PTPN14: variants seen among roughly 807,000 people sequenced by gnomAD.
The protein encoded by PTPN14 is tyrosine-protein phosphatase non-receptor type 14.
A neutral mutation model predicts 126.8 loss-of-function variants in PTPN14; 53 were observed. The ratio of observed to expected loss-of-function variants is 0.42; its 90% CI spans 0.34 to 0.53. PTPN14 has a LOEUF of 0.53. PTPN14 is among the 20% of genes least tolerant of loss of function. The probability of loss-of-function intolerance (pLI) is 0.08; values close to 1 mark genes in which losing one functional copy is unlikely to be tolerated. For missense variants in PTPN14, 1,257 were observed against 1,552.9 expected, an observed-to-expected ratio of 0.81 and a Z score of 3.20; for synonymous variants, 630 against 599.3, an observed-to-expected ratio of 1.05 and a Z score of -0.75.
In PTPN14 at chr1:214,451,883, A is replaced by C; in HGVS notation, c.266T>G (p.Phe89Cys). The C allele has an allele frequency of 6.2e-7, 1 of 1,614,232 alleles. No homozygotes were observed. Among genetic ancestry groups the C allele is most frequent in the Non-Finnish European group, 8.5e-7 (1 of 1,180,040 alleles). ...EKPLKKHLDK[F>C]ANEPLLFFGV... is the part of the protein sequence containing the mutation. ...AAAGAAAAGCAAAGGCTCATTAGCG[A>C]ATTTGTCCAGATGTTTCTTCAGAGG... The change falls in exon 3 of 19, where the codon TTC becomes TGC. Residue 89 changes from phenylalanine to cysteine, a missense_variant. Transcript: ENST00000366956.
intron 1 of PTPN14, among the ~76,000 whole-genome samples, chr1:214,475,297 T>C (rs1176917286): frequency 1.3e-5 from 2 of 152,184 alleles, no homozygotes. Context: ...TTTCACTAGA[T>C]AAAACCAAAA....
chr1:214,460,263 T>C (rs1660479592), intron 2 of PTPN14, among the ~76,000 whole-genome samples: 1 of 152,192 alleles, frequency 6.6e-6, no homozygotes, highest in Non-Finnish European at 1.5e-5. Flanking sequence ...TTATCCTTTG[T>C]AACTTATTTT....
At chr1:214,485,852 A>T (rs1258323265) in intron 1 of PTPN14, among the ~76,000 whole-genome samples, 1 of 151,884 alleles carries the variant, frequency 6.6e-6, no homozygotes, top group Non-Finnish European at 1.5e-5. Flanking sequence ...CAGCCTCCCG[A>T]GTAGCTGGGA....
intron 3 of PTPN14, among the ~76,000 whole-genome samples, chr1:214,442,289 G>A (rs1288357079): frequency 6.6e-6 from 1 of 152,180 alleles, no homozygotes; most frequent in Non-Finnish European, 1.5e-5. Flanking sequence ...CCAAAAATCA[G>A]AAATCCTGAA....
At chr1:214,525,890 C>T (rs565557972) in intron 1 of PTPN14, among the ~76,000 whole-genome samples, 4 of 151,904 alleles carry the variant, frequency 2.6e-5, no homozygotes, top group East Asian at 3.9e-4. Flanking sequence ...GGACTTGGCC[C>T]GTTACACATC....
At chr1:214,532,890 T>C (rs1046932340) in intron 1 of PTPN14, 4 of 1,020,754 alleles carry the variant, frequency 3.9e-6, no homozygotes, top group Admixed American at 3.4e-5. Context: ...TGGAGGTTGA[T>C]GCCCCCAAAT....
chr1:214,548,444 T>C (rs1187452829), intron 1 of PTPN14, among the ~76,000 whole-genome samples: 1 of 152,220 alleles, frequency 6.6e-6, no homozygotes, highest in Non-Finnish European at 1.5e-5. Flanking sequence ...AAAGCTTTCG[T>C]GTTTGTTTTC....
intron 3 of PTPN14, among the ~76,000 whole-genome samples, chr1:214,445,244 C>T (rs1039823270): frequency 6.6e-6 from 1 of 152,140 alleles, no homozygotes; most frequent in African/African-American, 2.4e-5. Context: ...ATAGCATCCA[C>T]CAGATAGAGG....
chr1:214,451,101 G>C (rs1403632733), intron 3 of PTPN14, among the ~76,000 whole-genome samples: 1 of 152,006 alleles, frequency 6.6e-6, no homozygotes, highest in Non-Finnish European at 1.5e-5. Context: ...ATTTTGTTTG[G>C]GGATATTTTT....
At position 214,456,101 on chromosome 1, in the gene PTPN14, T is replaced by G. The variant is rs573726767; in HGVS notation, c.175-4127A>C. On this transcript the variant is annotated intron_variant, in intron 2 of 18. Coordinates refer to ENST00000366956, the MANE Select transcript of PTPN14 (RefSeq NM_005401.5). ...TTTTGAGGGTTTTGTTTTTCCAGTT[T>G]TGTGACAATGGCACAGACTAATGCT... Among the ~76,000 whole-genome samples, 6 of 141,582 alleles carry G rather than the reference T, an allele frequency of 4.2e-5. No individual in the cohort carries two copies. The East Asian group carries it at 1.3e-3, about 32-fold the overall frequency. The allele number at this position is 141,582 out of a possible 152,430, so 92.9% of individuals were successfully genotyped here. A position where few individuals can be genotyped will look rare whatever the true frequency, so the allele number is the denominator to read the frequency against.
At chr1:214,534,781 A>G (rs920839331) in intron 1 of PTPN14, among the ~76,000 whole-genome samples, 2 of 151,928 alleles carry the variant, frequency 1.3e-5, no homozygotes, top group Non-Finnish European at 2.9e-5. Context: ...CTCCCTTCCT[A>G]TAAGATATCC....
At chr1:214,547,354 C>T (rs376386278) in intron 1 of PTPN14, among the ~76,000 whole-genome samples, 4 of 152,178 alleles carry the variant, frequency 2.6e-5, no homozygotes, top group African/African-American at 9.7e-5. Flanking sequence ...TTAACCAATT[C>T]TTTGCCATCC....
chr1:214,489,655 A>G (rs968121635), intron 1 of PTPN14, among the ~76,000 whole-genome samples: 4 of 152,190 alleles, frequency 2.6e-5, no homozygotes, highest in African/African-American at 9.7e-5. Context: ...CCATGCAGTC[A>G]TGAGCTGCTC....
intron 1 of PTPN14, chr1:214,483,447 C>T: frequency 9.2e-7 from 1 of 1,092,846 alleles, no homozygotes; most frequent in Non-Finnish European, 1.4e-6. Context: ...GCGCACAAGC[C>T]TCGCCTAGTA....
chr1:214,372,051 CAA>C (rs1171346275), intron 16 of PTPN14, among the ~76,000 whole-genome samples: 13 of 152,152 alleles, frequency 8.5e-5, no homozygotes, highest in African/African-American at 2.9e-4. Flanking sequence ...GAGAATGTGA[CAA>C]GAGAAGAAAT....
intron 15 of PTPN14, among the ~76,000 whole-genome samples, chr1:214,375,718 T>C (rs1032472614): frequency 1.3e-5 from 2 of 152,230 alleles, no homozygotes; most frequent in Non-Finnish European, 2.9e-5. Flanking sequence ...ACTTTTATAG[T>C]GTAGGTGAAA....
At chr1:214,392,798 C>T (rs540449988) in intron 10 of PTPN14, among the ~76,000 whole-genome samples, 116 of 152,250 alleles carry the variant, frequency 7.6e-4, no homozygotes, top group Admixed American at 1.5e-3. Context: ...AGAGCCTCCA[C>T]GGTGTGGAGA....
At chr1:214,481,974 G>A (rs944470467) in intron 1 of PTPN14, among the ~76,000 whole-genome samples, 1 of 149,048 alleles carries the variant, frequency 6.7e-6, no homozygotes, top group South Asian at 2.1e-4. Flanking sequence ...GTGACAGAGC[G>A]AGAGTCTGTC....
intron 11 of PTPN14, among the ~76,000 whole-genome samples, chr1:214,390,409 T>C (rs1658721420): frequency 6.6e-6 from 1 of 152,218 alleles, no homozygotes; most frequent in Non-Finnish European, 1.5e-5. Flanking sequence ...CAGCTAAAGC[T>C]AGGTCAATTC....
Sources: allele counts gnomAD v4.1 joint callset (sites outside exome capture counted in the v4.1 genomes callset), GRCh38; gene constraint gnomAD v4.1.1; transcripts MANE v1.5; gene names NCBI Gene and HGNC (gene_info 2026-07-23, HGNC 2026-07-21).